Variants in GLP2R observed in about 807,000 individuals in gnomAD.
GLP2R encodes the protein glucagon-like peptide 2 receptor.
A neutral mutation model predicts 68.2 loss-of-function variants in GLP2R; 59 were observed. The observed-to-expected ratio is 0.87, with a 90% CI of 0.70 to 1.07. GLP2R has a LOEUF of 1.07. Ranked by LOEUF, GLP2R falls within the 50% of genes least tolerant of loss-of-function variation. GLP2R has a pLI of 0.00. For missense variants in GLP2R, 548 were observed against 677.4 expected (o/e 0.81, Z 2.12); for synonymous variants, 270 against 265.4 (o/e 1.02, Z -0.17).
intron 5 of GLP2R, among the ~76,000 whole-genome samples, chr17:9,856,407 C>G (rs2066934051): frequency 6.6e-6 from 1 of 152,196 alleles, no homozygotes; most frequent in Admixed American, 6.5e-5. Flanking sequence ...GAACCTGCCT[C>G]AGGTCCTTTT....
Position 9,833,889 on chromosome 17 carries a change from C to G in GLP2R, c.272C>G (p.Pro91Arg). 1 of 1,602,474 alleles carries G rather than the reference C, an allele frequency of 6.2e-7. No individual in the cohort carries two copies. The highest frequency in any genetic ancestry group is 8.6e-7 in the Non-Finnish European group (1 of 1,169,378). ...QACLRDLLKEPSGIFCNGTFD... is the reference protein window; with the variant it reads ...QACLRDLLKERSGIFCNGTFD... ...TGTCTGAGAGACTTACTCAAGGAAC[C>G]TTCTGGTAAGCATGTGTATTAGTTA... The change falls in exon 2 of 13, where the codon CCT becomes CGT. Residue 91 changes from proline (P) to arginine (R), a missense_variant. Transcript: ENST00000262441.
chr17:9,873,353 C>T (rs2067112998), intron 10 of GLP2R, among the ~76,000 whole-genome samples: 2 of 152,110 alleles, frequency 1.3e-5, no homozygotes, highest in African/African-American at 4.8e-5. Context: ...CCCACAGCAA[C>T]CCCTAAATAG....
At chr17:9,842,764 A>C (rs937884861) in intron 4 of GLP2R, 148 bp downstream of exon 4, 9 of 796,484 alleles carry the variant, frequency 1.1e-5, no homozygotes, top group Admixed American at 1.1e-4. Context: ...CCCGCAAAGC[A>C]GCAACCCTTG....
At chr17:9,836,065 GA>G (rs1379358439) in intron 2 of GLP2R, among the ~76,000 whole-genome samples, 2 of 143,006 alleles carry the variant, frequency 1.4e-5, no homozygotes, top group African/African-American at 2.6e-5. Flanking sequence ...AAAAAAGAAA[GA>G]AAGAAAGTTT....
chr17:9,871,559 G>A (rs961085694), intron 10 of GLP2R, among the ~76,000 whole-genome samples: 18 of 151,964 alleles, frequency 1.2e-4, no homozygotes, highest in Non-Finnish European at 1.5e-4. Flanking sequence ...ACTTGTTGTC[G>A]CTGCATCTCA....
At chr17:9,848,489 G>C (rs1276851318) in intron 4 of GLP2R, among the ~76,000 whole-genome samples, 1 of 152,160 alleles carries the variant, frequency 6.6e-6, no homozygotes, top group Admixed American at 6.5e-5. Context: ...ATGCAGCCAA[G>C]GTTGAGAACC....
At chr17:9,842,732 C>T (rs1338165472) in intron 4 of GLP2R, 116 bp downstream of exon 4, 3 of 1,141,002 alleles carry the variant, frequency 2.6e-6, no homozygotes, top group African/African-American at 3.1e-5. Flanking sequence ...CAGCGCCTCT[C>T]CCCGGGGAAG....
intron 1 of GLP2R, among the ~76,000 whole-genome samples, chr17:9,830,227 A>G (rs1235033828): frequency 2.6e-5 from 4 of 152,164 alleles, no homozygotes; most frequent in Non-Finnish European, 5.9e-5. Context: ...AGAATGGAGG[A>G]TAGGGGAACA....
chr17:9,850,139 A>G (rs1043371634), intron 4 of GLP2R, among the ~76,000 whole-genome samples: 8 of 152,138 alleles, frequency 5.3e-5, no homozygotes, highest in African/African-American at 1.9e-4. Context: ...TGCGTATCAC[A>G]TATTGGTTAG....
At chr17:9,872,147 G>C (rs978333176) in intron 10 of GLP2R, among the ~76,000 whole-genome samples, 1 of 152,264 alleles carries the variant, frequency 6.6e-6, no homozygotes, top group Non-Finnish European at 1.5e-5. Context: ...AGGTGGGCAC[G>C]AGTGAAGATG....
At chr17:9,848,314 A>G (rs186904718) in intron 4 of GLP2R, among the ~76,000 whole-genome samples, 39 of 152,286 alleles carry the variant, frequency 2.6e-4, no homozygotes, top group Non-Finnish European at 8.8e-5. Context: ...ATATTTGACT[A>G]TCACCCCCAA....
At chr17:9,843,422 G>A (rs568193112) in intron 4 of GLP2R, among the ~76,000 whole-genome samples, 66 of 152,298 alleles carry the variant, frequency 4.3e-4, no homozygotes, top group Non-Finnish European at 7.2e-4. Flanking sequence ...TACATGTGAC[G>A]TTGTGAGGAT....
intron 6 of GLP2R, 57 bp downstream of exon 6, chr17:9,857,633 G>A (rs1222641898): frequency 2.6e-6 from 4 of 1,547,342 alleles, no homozygotes; most frequent in Non-Finnish European, 3.6e-6. Context: ...TCAGTACTGG[G>A]AATCAGAAGG....
At chr17:9,861,957 C>A in intron 8 of GLP2R, 64 bp from the exon 9 acceptor site, 1 of 1,104,294 alleles carries the variant, frequency 9.1e-7, no homozygotes, top group Non-Finnish European at 1.4e-6. Flanking sequence ...GAGCATGAGG[C>A]TTTGACTTTC....
At chr17:9,845,359 TA>T (rs2066827689) in intron 4 of GLP2R, among the ~76,000 whole-genome samples, 1 of 152,206 alleles carries the variant, frequency 6.6e-6, no homozygotes, top group African/African-American at 2.4e-5. Context: ...TTCTATACAA[TA>T]AAGTCTGGGG....
intron 10 of GLP2R, among the ~76,000 whole-genome samples, 183 bp downstream of exon 10, chr17:9,871,018 G>A (rs1306630494): frequency 6.6e-6 from 1 of 152,136 alleles, no homozygotes; most frequent in Non-Finnish European, 1.5e-5. Context: ...CTATGACGAT[G>A]AAGCAAATGG....
At chr17:9,839,100 C>T (rs1393540519) in intron 3 of GLP2R, among the ~76,000 whole-genome samples, 1 of 152,072 alleles carries the variant, frequency 6.6e-6, no homozygotes, top group African/African-American at 2.4e-5. Context: ...ATGTGGAGTC[C>T]CAGAAGGTGT....
At chr17:9,864,216 G>T (rs900776563) in intron 9 of GLP2R, among the ~76,000 whole-genome samples, 5 of 152,158 alleles carry the variant, frequency 3.3e-5, no homozygotes, top group Admixed American at 2.0e-4. Flanking sequence ...TCAAAGGATG[G>T]TCCTCAGACC....
rs373954728 is a variant in GLP2R, at chr17:9,842,570, G to C, written c.458G>C (p.Trp153Ser). The change falls in exon 4 of 13, where the codon TGG (tryptophan) becomes TCG (serine). Residue 153 changes from tryptophan (W) to serine (S), a missense_variant. Coordinates refer to ENST00000262441, the MANE Select transcript of GLP2R (RefSeq NM_004246.3). ...WQTIENATDI[W>S]QDDSECSENH... ...ACGATAGAGAACGCCACGGATATTT[G>C]GCAGGATGACTCCGAATGCTCCGAG... The C allele has an allele frequency of 1.9e-6, 3 of 1,613,990 alleles. No homozygotes were observed. In the African/African-American group the frequency reaches 4.0e-5, roughly 22 times the overall value.
Sources: gnomAD v4.1 joint callset for allele counts (sites outside exome capture counted in the v4.1 genomes callset) on GRCh38, gnomAD v4.1.1 for gene constraint, MANE v1.5 for transcripts, NCBI Gene and HGNC (gene_info 2026-07-23, HGNC 2026-07-21) for gene names.